TASOR: variants seen among roughly 807,000 people sequenced by gnomAD.
TASOR encodes the protein transcription activation suppressor.
Under a neutral mutation model 178.6 loss-of-function variants are expected in TASOR, and 53 were observed. The observed-to-expected ratio is 0.30, with a 90% CI of 0.24 to 0.37. The LOEUF (loss-of-function observed/expected upper bound fraction) is 0.37, where lower values mean the gene tolerates loss of function less well. TASOR is among the 10% of genes least tolerant of loss of function. The probability of loss-of-function intolerance (pLI) is 1.00; values close to 1 mark genes in which losing one functional copy is unlikely to be tolerated. For synonymous variants in TASOR, 713 were observed against 696.2 expected (o/e 1.02, Z -0.38); for missense variants, 1,815 against 1,971.4 (o/e 0.92, Z 1.50).
At chr3:56,631,593 T>G (rs2076916061) in intron 18 of TASOR, among the ~76,000 whole-genome samples, 1 of 150,294 alleles carries the variant, frequency 6.7e-6, no homozygotes, top group Non-Finnish European at 1.5e-5. Context: ...TGTTTTTTTT[T>G]TTTTTTTTGA....
At chr3:56,631,584 G>GTTTTTT (rs932459148) in intron 18 of TASOR, among the ~76,000 whole-genome samples, 5 of 113,432 alleles carry the variant, frequency 4.4e-5, no homozygotes, top group African/African-American at 1.1e-4. Context: ...GTGTTTTTTT[G>GTTTTTT]TTTTTTTTTT....
At chr3:56,659,063 T>A (rs2077537798) in intron 11 of TASOR, among the ~76,000 whole-genome samples, 1 of 152,144 alleles carries the variant, frequency 6.6e-6, no homozygotes, top group Non-Finnish European at 1.5e-5. Context: ...GTTTTATAAC[T>A]CTGCCTGGAA....
rs190678884 is a variant in TASOR, at chr3:56,647,773, C to G, written c.1514-550G>C. Among the ~76,000 whole-genome samples the G allele has an allele frequency of 6.7e-4, 102 of 152,296 alleles. 1 individual carries two copies. The highest frequency in any genetic ancestry group is 6.7e-3 in the Admixed American group (102 of 15,292). ...GTTCATTCTTAGAAAAGGTGGTTAA[C>G]AAATCTTGTCTTATATCAGTGCCAA... On this transcript the variant is annotated intron_variant, in intron 13 of 23. Transcript: ENST00000683822.
intron 11 of TASOR, among the ~76,000 whole-genome samples, chr3:56,658,281 C>G (rs1160255606): frequency 1.3e-5 from 2 of 152,106 alleles, no homozygotes; most frequent in African/African-American, 4.8e-5. Flanking sequence ...TGGAAAAGAT[C>G]CAGTCTTCCA....
rs2076700154 is a variant in TASOR, at chr3:56,622,209, A to AATAG, written c.*824_*827dup. On this transcript the variant is annotated 3_prime_UTR_variant, in exon 24 of 24. Transcript: ENST00000683822. ...ATTAGTATTAGAGGCAGTAGTTAGG[A>AATAG]ATAGATACGGGTTTGAAAGCTATCT... 6.6e-6 allele frequency: 1 copy of AATAG among 152,220 alleles called. No individual in the cohort carries two copies. Among genetic ancestry groups the AATAG allele is most frequent in the African/African-American group, 2.4e-5 (1 of 41,452 alleles). 9.4% of individuals were successfully genotyped at this position (152,220 alleles called of 1,614,324 possible).
chr3:56,636,617 G>C (rs181387215), intron 17 of TASOR, among the ~76,000 whole-genome samples: 18 of 151,726 alleles, frequency 1.2e-4, no homozygotes, highest in African/African-American at 4.3e-4. Flanking sequence ...TGGCCAGGAT[G>C]GTCTCGATGT....
Position 56,669,747 on chromosome 3 carries a change from A to G in TASOR, c.688T>C (p.Leu230=), listed in dbSNP as rs115783694. ...ACATCACCCATTGCCCCCGTGTCCA[A>G]AGGATTCGCTTGTAATAAATCAGCA... The part of the protein sequence containing the change: ...RYADLLQANP[L]DTGAMGDVVI... Residue 230 remains leucine, a synonymous_variant, in exon 5 of 24, where the codon TTG becomes CTG. Transcript: ENST00000683822. 6,545 of 1,549,838 alleles carry G rather than the reference A, an allele frequency of 4.2e-3. 24 individuals carry two copies. The highest frequency in any genetic ancestry group is 5.3e-3 in the Non-Finnish European group (6,113 of 1,146,124).
At chr3:56,641,308 ACACT>A (rs1263233780) in intron 15 of TASOR, 37 bp downstream of exon 15, 3 of 1,532,492 alleles carry the variant, frequency 2.0e-6, no homozygotes, top group South Asian at 2.6e-5. Context: ...TTTCACACAC[ACACT>A]CACAAACACA....
chr3:56,629,482 A>C (rs2076866210), intron 18 of TASOR, among the ~76,000 whole-genome samples: 1 of 152,202 alleles, frequency 6.6e-6, no homozygotes, highest in African/African-American at 2.4e-5. Flanking sequence ...AACAGCTAAA[A>C]AAGCATTTAT....
At chr3:56,629,011 G>A (rs1018868037) in intron 18 of TASOR, 3 of 150,138 alleles carry the variant, frequency 2.0e-5, no homozygotes, top group Middle Eastern at 3.1e-3. Context: ...GGGCTCGAGT[G>A]ATCCTCCTGC....
intron 11 of TASOR, among the ~76,000 whole-genome samples, chr3:56,653,796 A>T (rs1005703237): frequency 6.6e-6 from 1 of 152,174 alleles, no homozygotes; most frequent in Non-Finnish European, 1.5e-5. Flanking sequence ...ACATACCTCT[A>T]CATCATATAT....
Position 56,638,642 on chromosome 3 carries a change from G to A in TASOR, c.2824+64C>T, listed in dbSNP as rs7635349. 8.0e-3 allele frequency: 12,429 copies of A among 1,558,890 alleles called. 789 individuals are homozygous for A. The African/African-American group carries it at 0.14, about 18-fold the overall frequency. On this transcript the variant is annotated intron_variant, in intron 17 of 23. Coordinates refer to ENST00000683822, the MANE Select transcript of TASOR (RefSeq NM_001365635.2). ...TCAATGCCCTATTGATGGAGTATCA[G>A]AAATGCAAGTAGCAACTCTGAAGAA...
chr3:56,638,881 T>C (rs1422697277), intron 16 of TASOR, 116 bp from the exon 17 acceptor site: 3 of 962,394 alleles, frequency 3.1e-6, no homozygotes, highest in Non-Finnish European at 4.9e-6. Context: ...CCTAAAATAA[T>C]CTGAAGGGTC....
intron 1 of TASOR, among the ~76,000 whole-genome samples, chr3:56,678,177 A>ATTT (rs533306611): frequency 0.26 from 27,655 of 106,330 alleles, 4,184 homozygotes; most frequent in East Asian, 0.43. Context: ...CACACTTATG[A>ATTT]TTTTTTTTTT....
chr3:56,634,002 C>A (rs1469571925), intron 17 of TASOR, 36 bp from the exon 18 acceptor site: 4 of 1,446,718 alleles, frequency 2.8e-6, no homozygotes, highest in Admixed American at 5.4e-5. Context: ...AAGAGCAATC[C>A]AAAAAGATAA....
chr3:56,654,258 A>T (rs751443954), intron 11 of TASOR, among the ~76,000 whole-genome samples: 19 of 151,528 alleles, frequency 1.3e-4, no homozygotes, highest in Non-Finnish European at 2.4e-4. Context: ...CAAGAGCGAA[A>T]CTCTGTCTCA....
chr3:56,680,646 T>TA (rs747827572), intron 1 of TASOR, among the ~76,000 whole-genome samples: 4 of 152,182 alleles, frequency 2.6e-5, no homozygotes, highest in Admixed American at 6.5e-5. Flanking sequence ...TTGAACAAGA[T>TA]AAAATTCATG....
At position 56,668,575 on chromosome 3, in the gene TASOR, C is replaced by T. The variant is rs1224632805; in HGVS notation, c.736-17G>A. The T allele has an allele frequency of 5.3e-6, 8 of 1,510,874 alleles. No individual in the cohort carries two copies. The highest frequency in any genetic ancestry group is 7.1e-6 in the Non-Finnish European group (8 of 1,122,738). 93.6% of individuals were successfully genotyped at this position (1,510,874 alleles called of 1,614,324 possible). The stretch of plus-strand genomic sequence containing the variant: ...TATTTTACCCTAAAATAGAGAAAAC[C>T]TTTTAAGTGTCTACCTAAACCTAAT... On this transcript the variant is annotated splice_polypyrimidine_tract_variant and intron_variant, in intron 5 of 23. Transcript: ENST00000683822.
intron 14 of TASOR, among the ~76,000 whole-genome samples, chr3:56,644,430 A>C (rs2077192921): frequency 6.6e-6 from 1 of 152,208 alleles, no homozygotes; most frequent in Non-Finnish European, 1.5e-5. Flanking sequence ...AAAGCTGAGG[A>C]GAATATGAAC....
Sources: allele counts gnomAD v4.1 joint callset (sites outside exome capture counted in the v4.1 genomes callset), GRCh38; gene constraint gnomAD v4.1.1; transcripts MANE v1.5; gene names NCBI Gene and HGNC (gene_info 2026-07-23, HGNC 2026-07-21).